The following DYM variants were observed in gnomAD, a reference collection of about 807,000 sequenced individuals.
The protein encoded by DYM is dyggve-Melchior-Clausen syndrome protein.
A neutral mutation model predicts 93.1 loss-of-function variants in DYM; 78 were observed. The observed-to-expected ratio is 0.84, with a 90% CI of 0.70 to 1.01. DYM has a LOEUF of 1.01. Ranked by LOEUF, DYM falls within the 50% of genes least tolerant of loss-of-function variation. The pLI, the probability that DYM is intolerant of heterozygous loss-of-function variation, is 0.00. For synonymous variants in DYM, 321 were observed against 319.7 expected, an observed-to-expected ratio of 1.00 and a Z score of -0.04; for missense variants, 789 against 845.0, an observed-to-expected ratio of 0.93 and a Z score of 0.82.
intron 17 of DYM, among the ~76,000 whole-genome samples, chr18:49,058,312 TTTC>T (rs1180265398): frequency 1.3e-5 from 2 of 151,862 alleles, no homozygotes; most frequent in Non-Finnish European, 2.9e-5. Context: ...TTTTTTTCTT[TTTC>T]TTCTTTTTTT....
chr18:49,080,632 CG>C (rs1486462614), intron 17 of DYM, among the ~76,000 whole-genome samples: 5 of 140,782 alleles, frequency 3.6e-5, no homozygotes, highest in East Asian at 2.3e-4. Flanking sequence ...GCTGGCCGGG[CG>C]GGGGGCTGAC....
intron 13 of DYM, among the ~76,000 whole-genome samples, chr18:49,215,784 A>T (rs1052065626): frequency 6.6e-6 from 1 of 152,268 alleles, no homozygotes; most frequent in Non-Finnish European, 1.5e-5. Flanking sequence ...AGATGGCCGA[A>T]TAGGAACAGC....
At chr18:49,203,081 C>G (rs2092206184) in intron 14 of DYM, among the ~76,000 whole-genome samples, 1 of 13,762 alleles carries the variant, frequency 7.3e-5, no homozygotes, top group Non-Finnish European at 1.9e-4. Context: ...CGGCCAGCCG[C>G]CCCGTCCGGG....
At chr18:49,212,317 T>C (rs1457254190) in intron 13 of DYM, among the ~76,000 whole-genome samples, 1 of 152,080 alleles carries the variant, frequency 6.6e-6, no homozygotes, top group Non-Finnish European at 1.5e-5. Context: ...TTTTGAAAAA[T>C]ATCCTTATTT....
At chr18:49,297,416 G>C (rs1268280239) in intron 8 of DYM, among the ~76,000 whole-genome samples, 1 of 152,134 alleles carries the variant, frequency 6.6e-6, no homozygotes, top group African/African-American at 2.4e-5. Flanking sequence ...TCAGTGGTTG[G>C]GAAGGCAGAG....
chr18:49,345,586 C>A (rs1196134536), intron 6 of DYM, among the ~76,000 whole-genome samples: 3 of 151,970 alleles, frequency 2.0e-5, no homozygotes, highest in African/African-American at 4.8e-5. Flanking sequence ...ACACCTAGTA[C>A]CTTTAAGGAA....
intron 17 of DYM, among the ~76,000 whole-genome samples, chr18:49,046,566 G>GT (rs2071611358): frequency 6.6e-6 from 1 of 151,484 alleles, no homozygotes; most frequent in Non-Finnish European, 1.5e-5. Flanking sequence ...GACACACACA[G>GT]TAACAAGAAT....
chr18:49,280,713 A>T (rs1389150434), intron 10 of DYM, among the ~76,000 whole-genome samples: 1 of 152,214 alleles, frequency 6.6e-6, no homozygotes, highest in African/African-American at 2.4e-5. Context: ...GTCTGGTGAC[A>T]TCTCCCTATC....
At chr18:49,155,990 A>G (rs988864764) in intron 15 of DYM, among the ~76,000 whole-genome samples, 5 of 152,228 alleles carry the variant, frequency 3.3e-5, no homozygotes, top group Admixed American at 2.6e-4. Context: ...AAATGGCTGC[A>G]CCATATAACA....
chr18:49,298,123 A>G (rs901401367), intron 8 of DYM, among the ~76,000 whole-genome samples: 4 of 152,238 alleles, frequency 2.6e-5, no homozygotes, highest in Admixed American at 2.0e-4. Flanking sequence ...AGTCAAATTC[A>G]ATTTTCCTAA....
At chr18:49,272,517 T>C (rs571909092) in intron 10 of DYM, among the ~76,000 whole-genome samples, 53 of 152,272 alleles carry the variant, frequency 3.5e-4, no homozygotes, top group Non-Finnish European at 6.8e-4. Context: ...TCTGTGAAGG[T>C]CTCTTAAGGT....
intron 17 of DYM, among the ~76,000 whole-genome samples, chr18:49,064,983 A>C (rs2076273067): frequency 6.6e-6 from 1 of 151,804 alleles, no homozygotes; most frequent in Non-Finnish European, 1.5e-5. Flanking sequence ...TTGTTTTCTC[A>C]AAGTTTTTAC....
At chr18:49,149,421 C>T (rs1396286663) in intron 15 of DYM, among the ~76,000 whole-genome samples, 1 of 152,126 alleles carries the variant, frequency 6.6e-6, no homozygotes, top group Non-Finnish European at 1.5e-5. Flanking sequence ...CCACTGATCA[C>T]CCATATGCAC....
chr18:49,047,464 C>G (rs758636616), intron 17 of DYM, among the ~76,000 whole-genome samples: 3 of 152,242 alleles, frequency 2.0e-5, no homozygotes, highest in Admixed American at 2.0e-4. Flanking sequence ...GGCACCACTT[C>G]CAGCACTTGC....
At chr18:49,432,903 A>C (rs2080469544) in intron 1 of DYM, among the ~76,000 whole-genome samples, 1 of 152,220 alleles carries the variant, frequency 6.6e-6, no homozygotes, top group South Asian at 2.1e-4. Flanking sequence ...CCTGGCCAAG[A>C]GGAATTAATT....
chr18:49,361,542 A>G (rs2066018910), intron 6 of DYM, among the ~76,000 whole-genome samples: 1 of 152,124 alleles, frequency 6.6e-6, no homozygotes, highest in East Asian at 1.9e-4. Flanking sequence ...GGTTCCACAG[A>G]GGTAAGTAAA....
chr18:49,372,426 T>C (rs1419704115), intron 5 of DYM, among the ~76,000 whole-genome samples: 3 of 151,990 alleles, frequency 2.0e-5, no homozygotes, highest in Admixed American at 6.6e-5. Context: ...GGACCAAGAG[T>C]AGGCTCAATT....
At chr18:49,414,134 A>T (rs1234526212) in intron 2 of DYM, among the ~76,000 whole-genome samples, 1 of 152,236 alleles carries the variant, frequency 6.6e-6, no homozygotes, top group Non-Finnish European at 1.5e-5. Context: ...ATAGAGACAG[A>T]AAGTAAAAAT....
chr18:49,091,402 A>G (rs1321421283), intron 17 of DYM, among the ~76,000 whole-genome samples: 1 of 152,114 alleles, frequency 6.6e-6, no homozygotes, highest in Admixed American at 6.6e-5. Flanking sequence ...TGATGGAGAG[A>G]GAGATTTCAT....
Sources: allele counts gnomAD v4.1 joint callset (sites outside exome capture counted in the v4.1 genomes callset), GRCh38; gene constraint gnomAD v4.1.1; transcripts MANE v1.5; gene names NCBI Gene and HGNC (gene_info 2026-07-23, HGNC 2026-07-21).